Variants in PDE3A observed in about 807,000 individuals in gnomAD.
PDE3A encodes cGMP-inhibited 3',5'-cyclic phosphodiesterase 3A.
A neutral mutation model predicts 98.3 loss-of-function variants in PDE3A; 43 were observed. That is an observed-to-expected ratio of 0.44 (90% CI 0.34 to 0.56). The LOEUF (loss-of-function observed/expected upper bound fraction) is 0.56, where lower values mean the gene tolerates loss of function less well. Among genes scored for constraint, PDE3A ranks in the 20% least tolerant of loss-of-function variants. The probability of loss-of-function intolerance (pLI) is 0.01; values close to 1 mark genes in which losing one functional copy is unlikely to be tolerated. For synonymous variants in PDE3A, 663 were observed against 567.9 expected, an observed-to-expected ratio of 1.17 and a Z score of -2.38; for missense variants, 1,427 against 1,440.7, an observed-to-expected ratio of 0.99 and a Z score of 0.15.
chr12:20,559,640 C>A (rs975930382), intron 2 of PDE3A, among the ~76,000 whole-genome samples: 1 of 151,012 alleles, frequency 6.6e-6, no homozygotes, highest in Admixed American at 6.6e-5. Context: ...CACTGCACTC[C>A]AGCCTGGGCA....
intron 1 of PDE3A, among the ~76,000 whole-genome samples, chr12:20,487,868 G>A (rs1056703099): frequency 2.6e-5 from 4 of 152,036 alleles, no homozygotes; most frequent in African/African-American, 4.8e-5. Context: ...CTACTAATTT[G>A]TCATGTTTTT....
intron 5 of PDE3A, among the ~76,000 whole-genome samples, chr12:20,622,321 T>C (rs1346880427): frequency 6.6e-6 from 1 of 152,074 alleles, no homozygotes; most frequent in Non-Finnish European, 1.5e-5. Flanking sequence ...TCCATGCCAA[T>C]AGTCAGTAAA....
chr12:20,537,987 A>C (rs989071965), intron 1 of PDE3A, among the ~76,000 whole-genome samples: 2 of 152,184 alleles, frequency 1.3e-5, no homozygotes, highest in African/African-American at 4.8e-5. Context: ...GATGTGTTAT[A>C]TACATGGTAT....
chr12:20,536,843 AT>A (rs1360827808), intron 1 of PDE3A, among the ~76,000 whole-genome samples: 4 of 152,082 alleles, frequency 2.6e-5, no homozygotes, highest in African/African-American at 9.7e-5. Context: ...TAATGCTGCT[AT>A]TAACATTTGT....
chr12:20,378,173 A>G (rs1157932978), intron 1 of PDE3A, among the ~76,000 whole-genome samples: 1 of 151,686 alleles, frequency 6.6e-6, no homozygotes, highest in East Asian at 1.9e-4. Flanking sequence ...GAATTTTTAA[A>G]GTAGGAATTT....
At chr12:20,432,663 C>T (rs1465456380) in intron 1 of PDE3A, among the ~76,000 whole-genome samples, 1 of 152,088 alleles carries the variant, frequency 6.6e-6, no homozygotes, top group Non-Finnish European at 1.5e-5. Context: ...TTTTTCTCTT[C>T]TTTCCTTTTT....
chr12:20,501,682 T>A (rs553809040), intron 1 of PDE3A, among the ~76,000 whole-genome samples: 2 of 152,194 alleles, frequency 1.3e-5, no homozygotes, highest in Admixed American at 1.3e-4. Flanking sequence ...AAAATGAAGC[T>A]ATTTTTTAGT....
At chr12:20,562,976 G>A (rs957855160) in intron 2 of PDE3A, among the ~76,000 whole-genome samples, 1 of 152,144 alleles carries the variant, frequency 6.6e-6, no homozygotes, top group Non-Finnish European at 1.5e-5. Context: ...GCTTACAAAT[G>A]ACCCATGGCC....
intron 1 of PDE3A, among the ~76,000 whole-genome samples, chr12:20,408,931 TA>T (rs1944284085): frequency 1.3e-5 from 2 of 152,338 alleles, no homozygotes; most frequent in Admixed American, 1.3e-4. Flanking sequence ...TGGAAAGCTC[TA>T]AAAGAGTGGC....
chr12:20,676,010 G>A (rs954226987), intron 15 of PDE3A, among the ~76,000 whole-genome samples: 3 of 152,052 alleles, frequency 2.0e-5, no homozygotes, highest in African/African-American at 7.2e-5. Context: ...CTTCATTCCT[G>A]TCATTTTGTT....
At chr12:20,378,939 A>G (rs1316341062) in intron 1 of PDE3A, among the ~76,000 whole-genome samples, 1 of 151,720 alleles carries the variant, frequency 6.6e-6, no homozygotes, top group East Asian at 1.9e-4. Flanking sequence ...AATTTTAAGG[A>G]ATGCCATTCT....
chr12:20,594,593 A>G (rs1283775823), intron 2 of PDE3A, among the ~76,000 whole-genome samples: 2 of 151,608 alleles, frequency 1.3e-5, no homozygotes, highest in Non-Finnish European at 2.9e-5. Flanking sequence ...GAAAATGAGT[A>G]TGAAATGACG....
At chr12:20,386,079 A>G (rs1943770035) in intron 1 of PDE3A, among the ~76,000 whole-genome samples, 2 of 48,220 alleles carry the variant, frequency 4.1e-5, no homozygotes, top group African/African-American at 1.6e-4. Flanking sequence ...TAAAATATAT[A>G]TAAATATATA....
chr12:20,519,998 G>A (rs550793518), intron 1 of PDE3A, among the ~76,000 whole-genome samples: 1 of 152,158 alleles, frequency 6.6e-6, no homozygotes, highest in African/African-American at 2.4e-5. Context: ...AGCTGATTCG[G>A]ATTTAAAGAA....
intron 1 of PDE3A, among the ~76,000 whole-genome samples, chr12:20,497,187 C>G (rs535499496): frequency 2.0e-5 from 3 of 152,150 alleles, no homozygotes; most frequent in African/African-American, 7.2e-5. Context: ...AAGATTTAAA[C>G]CAAAAGCAAC....
rs1233685279 is a variant in PDE3A, at chr12:20,387,122, T to C, written c.960+16878T>C. On this transcript the variant is annotated intron_variant, in intron 1 of 15. Coordinates refer to ENST00000359062, the MANE Select transcript of PDE3A (RefSeq NM_000921.5). Reference sequence around the variant, plus strand: ...ATTTCTGAGTTCTGTATTGGTTCCATTGGTCTATGTGTCTGTTTTTGTACC... The same window carrying C: ...ATTTCTGAGTTCTGTATTGGTTCCACTGGTCTATGTGTCTGTTTTTGTACC... Among the ~76,000 whole-genome samples, 5 of 152,060 alleles carry C rather than the reference T, an allele frequency of 3.3e-5. No homozygotes were observed. The East Asian group carries it at 9.7e-4, about 29-fold the overall frequency.
rs769253963 is a variant in PDE3A, at chr12:20,639,828, C to G, written c.2140-18C>G. On this transcript the variant is annotated intron_variant, in intron 9 of 15. Transcript: ENST00000359062. The stretch of plus-strand genomic sequence containing the variant: ...ATACACATAGGGATGTTTCATAAGG[C>G]TTTGTCTTCTTTTACAGGTATCTTA... 8.9e-7 allele frequency: 1 copy of G among 1,125,544 alleles called. No homozygotes were observed. The highest frequency in any genetic ancestry group is 1.4e-6 in the Non-Finnish European group (1 of 735,804). 69.7% of individuals were successfully genotyped at this position (1,125,544 alleles called of 1,614,324 possible). A position where few individuals can be genotyped will look rare whatever the true frequency, so the allele number is the denominator to read the frequency against.
intron 1 of PDE3A, among the ~76,000 whole-genome samples, chr12:20,530,132 A>G (rs1946597582): frequency 6.6e-6 from 1 of 152,226 alleles, no homozygotes. Context: ...TGAGGAGACG[A>G]AAGTTATTCG....
intron 2 of PDE3A, among the ~76,000 whole-genome samples, chr12:20,599,063 C>T (rs1943530643): frequency 6.6e-6 from 1 of 152,120 alleles, no homozygotes; most frequent in Admixed American, 6.6e-5. Flanking sequence ...GAAATCTAGC[C>T]TCATACTTCC....
Sources: allele counts gnomAD v4.1 joint callset (sites outside exome capture counted in the v4.1 genomes callset), GRCh38; gene constraint gnomAD v4.1.1; transcripts MANE v1.5; gene names NCBI Gene and HGNC (gene_info 2026-07-23, HGNC 2026-07-21).